Variants in ZBTB24 observed in about 807,000 individuals in gnomAD.
The protein encoded by ZBTB24 is zinc finger and BTB domain containing 24.
ZBTB24 carries 32 observed loss-of-function variants against 53.8 expected under a neutral mutation model. The ratio of observed to expected loss-of-function variants is 0.60; its 90% CI spans 0.45 to 0.80. ZBTB24 has a LOEUF of 0.80. Ranked by LOEUF, ZBTB24 falls within the 30% of genes least tolerant of loss-of-function variation. The pLI is 0.00. For synonymous variants in ZBTB24, 297 were observed against 306.7 expected, an observed-to-expected ratio of 0.97 and a Z score of 0.33; for missense variants, 722 against 837.1, an observed-to-expected ratio of 0.86 and a Z score of 1.70.
At position 109,476,271 on chromosome 6, in the gene ZBTB24, C is replaced by T. The variant is rs1245508561; in HGVS notation, c.1121-13G>A. 1.2e-6 allele frequency: 2 copies of T among 1,613,606 alleles called. No homozygotes were observed. Among genetic ancestry groups the T allele is most frequent in the African/African-American group, 1.3e-5 (1 of 74,960 alleles). On this transcript the variant is annotated splice_polypyrimidine_tract_variant and intron_variant, in intron 3 of 6. Coordinates refer to ENST00000230122, the MANE Select transcript of ZBTB24 (RefSeq NM_014797.3). ...AAAGACTTCTGTCCTGCCAAAAAAA[C>T]CAAAACACTAAAACATGTAAAAAAT...
chr6:109,472,599 A>G (rs1776189495), intron 5 of ZBTB24, among the ~76,000 whole-genome samples: 1 of 152,098 alleles, frequency 6.6e-6, no homozygotes, highest in South Asian at 2.1e-4. Flanking sequence ...CTGTCTCCCT[A>G]GGGAACTCAG....
In ZBTB24 at chr6:109,465,619, T is replaced by A; in HGVS notation, c.*232A>T. On this transcript the variant is annotated 3_prime_UTR_variant, in exon 7 of 7. Coordinates refer to ENST00000230122, the MANE Select transcript of ZBTB24 (RefSeq NM_014797.3). ...CTTTATGAGACATTGCAGATTAAAA[T>A]GAAAACCATTCAATAATATTGAAAT... 1 of 1,532,838 alleles carries A rather than the reference T, an allele frequency of 6.5e-7. No individual in the cohort carries two copies. Among genetic ancestry groups the A allele is most frequent in the South Asian group, 1.2e-5 (1 of 83,836 alleles). The allele number at this position is 1,532,838 out of a possible 1,614,324, so 95.0% of individuals were successfully genotyped here.
chr6:109,477,005 C>T (rs1776292442), intron 2 of ZBTB24, 75 bp from the exon 3 acceptor site: 3 of 1,556,012 alleles, frequency 1.9e-6, no homozygotes, highest in Admixed American at 3.7e-5. Flanking sequence ...ATTAAAAAAA[C>T]AATAAAGGAT....
chr6:109,474,929 G>C (rs1776249479), intron 5 of ZBTB24, among the ~76,000 whole-genome samples: 1 of 151,168 alleles, frequency 6.6e-6, no homozygotes, highest in Non-Finnish European at 1.5e-5. Flanking sequence ...TGTGGTCCCA[G>C]CTACCCAGGA....
chr6:109,476,217 T>C lies in ZBTB24; in HGVS notation c.1162A>G (p.Ser388Gly). ...FTCDQCGKYFSQNRQLKSHYR... is the reference protein window; with the variant it reads ...FTCDQCGKYFGQNRQLKSHYR... ...TGGCTCTTTAGCTGTCTGTTCTGGC[T>C]GAAATATTTTCCGCATTGATCACAG... Residue 388 changes from serine to glycine, a missense_variant, in exon 4 of 7, where the codon AGC becomes GGC. Ser to Gly is a moderately conservative substitution (Grantham distance 56, BLOSUM62 0). Coordinates refer to ENST00000230122, the MANE Select transcript of ZBTB24 (RefSeq NM_014797.3). 6.2e-7 allele frequency: 1 copy of C among 1,614,182 alleles called. No individual in the cohort carries two copies. Among genetic ancestry groups the C allele is most frequent in the Non-Finnish European group, 8.5e-7 (1 of 1,180,030 alleles).
At position 109,466,026 on chromosome 6, in the gene ZBTB24, A is replaced by G. The variant is rs1297771480; in HGVS notation, c.1919T>C (p.Leu640Pro). Residue 640 changes from leucine (L) to proline (P), a missense_variant, in exon 7 of 7, where the codon CTG becomes CCG. Physicochemically the swap from Leu to Pro is moderately conservative, Grantham distance 98 (BLOSUM62 -3). Transcript: ENST00000230122. ...AAGATGTTCCAGTGTTTCCTTGGAC[A>G]GAGTGATCACGTGCACTGGCTCTGT... ...SQTEPVHVIT[L>P]SKETLEHLHA... The G allele has an allele frequency of 6.2e-7, 1 of 1,614,236 alleles. No individual in the cohort carries two copies. The highest frequency in any genetic ancestry group is 8.5e-7 in the Non-Finnish European group (1 of 1,180,042).
At position 109,465,546 on chromosome 6, in the gene ZBTB24, C is replaced by A; in HGVS notation, c.*305G>T. 1 of 1,134,288 alleles carries A rather than the reference C, an allele frequency of 8.8e-7. No homozygotes were observed. Among genetic ancestry groups the A allele is most frequent in the Non-Finnish European group, 1.2e-6 (1 of 804,998 alleles). The allele number at this position is 1,134,288 out of a possible 1,614,324, so 70.3% of individuals were successfully genotyped here. A position where few individuals can be genotyped will look rare whatever the true frequency, so the allele number is the denominator to read the frequency against. ...AACCTATGGCTGTGAACATTTAAAC[C>A]TTACAGAAAAACTGAGATCAATGCC... On this transcript the variant is annotated 3_prime_UTR_variant, in exon 7 of 7. Coordinates refer to ENST00000230122, the MANE Select transcript of ZBTB24 (RefSeq NM_014797.3).
At chr6:109,471,747 G>T (rs1158358193) in intron 5 of ZBTB24, among the ~76,000 whole-genome samples, 1 of 152,120 alleles carries the variant, frequency 6.6e-6, no homozygotes, top group Non-Finnish European at 1.5e-5. Flanking sequence ...GAGGTGCTGT[G>T]GGCAACAGAA....
rs1426882359 is a variant in ZBTB24, at chr6:109,463,329, CAAAG to C, written c.*2518_*2521del. 1 of 152,128 alleles carries C rather than the reference CAAAG, an allele frequency of 6.6e-6. No homozygotes were observed. Among genetic ancestry groups the C allele is most frequent in the African/African-American group, 2.4e-5 (1 of 41,426 alleles). The allele number at this position is 152,128 out of a possible 1,614,324, so 9.4% of individuals were successfully genotyped here. A position where few individuals can be genotyped will look rare whatever the true frequency, so the allele number is the denominator to read the frequency against. ...AAAGGGGTAGAATGTATATGTGGGACAAAGAAAGAGGCTAGATTAACAAAGCTAT... is the reference window on the plus strand; with the variant it reads ...AAAGGGGTAGAATGTATATGTGGGACAAAGAGGCTAGATTAACAAAGCTAT... On this transcript the variant is annotated 3_prime_UTR_variant, in exon 7 of 7. Transcript: ENST00000230122.
chr6:109,465,966 A>G lies in ZBTB24; in HGVS notation c.1979T>C (p.Leu660Ser), dbSNP rs1294106593. Residue 660 changes from leucine to serine, a missense_variant, in exon 7 of 7, where the codon TTA becomes TCA. Transcript: ENST00000230122. ...AGCTGGATCTGAAGTACTTGTAGCT[A>G]AATGGAGCTCCTCTGTTTGCTCTTG... Reference protein sequence around the residue: ...AHQEQTEELHLATSTSDPAQH... With the variant: ...AHQEQTEELHSATSTSDPAQH... 1 of 1,614,220 alleles carries G rather than the reference A, an allele frequency of 6.2e-7. No homozygotes were observed. The highest frequency in any genetic ancestry group is 1.1e-5 in the South Asian group (1 of 91,088).
chr6:109,478,088 G>A (rs977567905), intron 2 of ZBTB24, among the ~76,000 whole-genome samples: 1 of 152,002 alleles, frequency 6.6e-6, no homozygotes, highest in African/African-American at 2.4e-5. Flanking sequence ...ACAAAATAAC[G>A]AAGGAATTCT....
chr6:109,473,005 G>T (rs1776197438), intron 5 of ZBTB24, among the ~76,000 whole-genome samples: 1 of 152,056 alleles, frequency 6.6e-6, no homozygotes. Flanking sequence ...CACCTCACAG[G>T]GTGGCTAGAG....
chr6:109,477,363 C>T (rs967013225), intron 2 of ZBTB24, among the ~76,000 whole-genome samples: 1 of 152,124 alleles, frequency 6.6e-6, no homozygotes, highest in African/African-American at 2.4e-5. Flanking sequence ...GTTGCCCAGG[C>T]AGGTCTCCAA....
chr6:109,478,352 C>G (rs1010540078), intron 2 of ZBTB24, among the ~76,000 whole-genome samples: 1 of 152,190 alleles, frequency 6.6e-6, no homozygotes, highest in African/African-American at 2.4e-5. Context: ...GGTATATAAG[C>G]TCTGAAAAAT....
chr6:109,475,577 A>C, intron 4 of ZBTB24, 95 bp from the exon 5 acceptor site: 1 of 1,457,502 alleles, frequency 6.9e-7, no homozygotes. Flanking sequence ...AAAAATAATC[A>C]CTTTAAATAT....
chr6:109,481,445 A>G lies in ZBTB24; in HGVS notation c.582T>C (p.Asn194=), dbSNP rs562581099. ...CTCCTTTAACCACAAAGTTTTGTCT[A>G]TTCTGAACTGAATTGTTCACTCTTA... The part of the protein sequence containing the change: ...IQLRVNNSVQ[N]RQNFVVKGDS... The change falls in exon 2 of 7, where the codon AAT becomes AAC. Residue 194 remains asparagine (N), a synonymous_variant. Transcript: ENST00000230122. The G allele has an allele frequency of 1.2e-6, 2 of 1,614,164 alleles. No individual in the cohort carries two copies. The highest frequency in any genetic ancestry group is 2.7e-5 in the African/African-American group (2 of 75,044).
intron 2 of ZBTB24, among the ~76,000 whole-genome samples, chr6:109,477,516 T>C (rs763473694): frequency 1.3e-5 from 2 of 152,112 alleles, no homozygotes; most frequent in Non-Finnish European, 2.9e-5. Context: ...CTGCTATCTC[T>C]GGAAACAGGG....
intron 5 of ZBTB24, among the ~76,000 whole-genome samples, chr6:109,471,124 C>T (rs1347118765): frequency 6.6e-6 from 1 of 152,178 alleles, no homozygotes; most frequent in Non-Finnish European, 1.5e-5. Flanking sequence ...ATATTCCCAC[C>T]AACAATAAAT....
chr6:109,464,946 T>C lies in ZBTB24; in HGVS notation c.*905A>G, dbSNP rs1302809976. On this transcript the variant is annotated 3_prime_UTR_variant, in exon 7 of 7. Coordinates refer to ENST00000230122, the MANE Select transcript of ZBTB24 (RefSeq NM_014797.3). ...ACATTTTCAGGAGATCAGTTAGAATTCAGTAGAGTATATATAAGACTTAAA... is the reference window on the plus strand; with the variant it reads ...ACATTTTCAGGAGATCAGTTAGAATCCAGTAGAGTATATATAAGACTTAAA... 6.6e-6 allele frequency: 1 copy of C among 152,198 alleles called. No homozygotes were observed. Among genetic ancestry groups the C allele is most frequent in the Non-Finnish European group, 1.5e-5 (1 of 68,026 alleles). The allele number at this position is 152,198 out of a possible 1,614,324, so 9.4% of individuals were successfully genotyped here. A position where few individuals can be genotyped will look rare whatever the true frequency, so the allele number is the denominator to read the frequency against.
Sources: gnomAD v4.1 joint callset for allele counts (sites outside exome capture counted in the v4.1 genomes callset) on GRCh38, gnomAD v4.1.1 for gene constraint, MANE v1.5 for transcripts, NCBI Gene and HGNC (gene_info 2026-07-23, HGNC 2026-07-21) for gene names.